Variants in MRC1 observed in about 807,000 individuals in gnomAD.
The protein encoded by MRC1 is macrophage mannose receptor 1.
A neutral mutation model predicts 102.9 loss-of-function variants in MRC1; 62 were observed. That is an observed-to-expected ratio of 0.60 (90% CI 0.49 to 0.74). The LOEUF (loss-of-function observed/expected upper bound fraction) is 0.74. Ranked by LOEUF, MRC1 falls within the 30% of genes least tolerant of loss-of-function variation. MRC1 has a pLI of 0.00. For missense variants in MRC1, 1,237 were observed against 862.8 expected (o/e 1.43, Z -5.43); for synonymous variants, 457 against 298.4 (o/e 1.53, Z -5.48).
intron 18 of MRC1, 57 bp from the exon 19 acceptor site, chr10:17,879,664 G>A (rs907531550): frequency 1.1e-4 from 84 of 780,728 alleles, no homozygotes; most frequent in African/African-American, 7.3e-4. Context: ...CTCCTGGCCT[G>A]TATCCAATTA....
At chr10:17,812,564 AG>A (rs1838239871) in intron 1 of MRC1, among the ~76,000 whole-genome samples, 2 of 132,568 alleles carry the variant, frequency 1.5e-5, no homozygotes, top group African/African-American at 5.7e-5. Flanking sequence ...TGCCAACAGT[AG>A]GCTTTTTTTT....
intron 16 of MRC1, among the ~76,000 whole-genome samples, 167 bp downstream of exon 16, chr10:17,873,992 C>T (rs1011947096): frequency 6.6e-6 from 1 of 152,186 alleles, no homozygotes; most frequent in Admixed American, 6.5e-5. Context: ...CAGAGAGAAG[C>T]TCATATGCCC....
chr10:17,878,603 A>G, intron 18 of MRC1, among the ~76,000 whole-genome samples: 1 of 152,112 alleles, frequency 6.6e-6, no homozygotes, highest in Admixed American at 6.6e-5. Context: ...TTAGCCTTAC[A>G]TGTTCCAGGG....
At chr10:17,813,543 TC>T (rs1282450413) in intron 1 of MRC1, among the ~76,000 whole-genome samples, 8 of 151,646 alleles carry the variant, frequency 5.3e-5, no homozygotes, top group African/African-American at 1.9e-4. Flanking sequence ...AGCACCTTTC[TC>T]CTTTTTAAAT....
intron 3 of MRC1, among the ~76,000 whole-genome samples, chr10:17,828,589 G>C (rs1838520390): frequency 6.6e-6 from 1 of 151,424 alleles, no homozygotes; most frequent in African/African-American, 2.5e-5. Flanking sequence ...CCTGAATTTT[G>C]TGTCAATGTC....
chr10:17,877,626 T>C (rs923184532), intron 17 of MRC1, among the ~76,000 whole-genome samples: 1 of 152,126 alleles, frequency 6.6e-6, no homozygotes, highest in Non-Finnish European at 1.5e-5. Flanking sequence ...GTAGTTACAT[T>C]GTTGAAGACA....
Position 17,853,094 on chromosome 10 carries a change from A to G in MRC1, c.1377A>G (p.Arg459=). The G allele has an allele frequency of 1.3e-6, 1 of 780,870 alleles. No individual in the cohort carries two copies. The highest frequency in any genetic ancestry group is 2.4e-5 in the East Asian group (1 of 41,258). 48.4% of individuals were successfully genotyped at this position (780,870 alleles called of 1,614,324 possible). A position where few individuals can be genotyped will look rare whatever the true frequency, so the allele number is the denominator to read the frequency against. Residue 459 remains arginine, a synonymous_variant, in exon 8 of 30, where the codon AGA becomes AGG. Coordinates refer to ENST00000569591, the MANE Select transcript of MRC1 (RefSeq NM_002438.4). ...GAGAACCAAGCCATGAAAACAACAG[A>G]CAGGAGGATTGTGTGGTGATGAAAG... ...LRGEPSHENN[R]QEDCVVMKGK... is the part of the protein sequence containing the mutation.
At chr10:17,879,171 C>T (rs1326573638) in intron 18 of MRC1, among the ~76,000 whole-genome samples, 7 of 152,186 alleles carry the variant, frequency 4.6e-5, no homozygotes, top group East Asian at 1.9e-4. Context: ...CTCCACTTTG[C>T]GACTAAAGGT....
intron 7 of MRC1, among the ~76,000 whole-genome samples, chr10:17,851,569 T>C (rs1838917250): frequency 1.3e-5 from 2 of 152,334 alleles, no homozygotes; most frequent in South Asian, 4.1e-4. Flanking sequence ...ATCAAGATTG[T>C]GCTTAGGAAT....
At chr10:17,866,310 A>T (rs1554841471) in intron 11 of MRC1, among the ~76,000 whole-genome samples, 1 of 119,318 alleles carries the variant, frequency 8.4e-6, no homozygotes, top group Admixed American at 8.1e-5. Flanking sequence ...GGAAGGAGGG[A>T]GGGAGAGAGA....
intron 24 of MRC1, among the ~76,000 whole-genome samples, chr10:17,899,184 A>G (rs1209004581): frequency 1.3e-5 from 2 of 152,150 alleles, no homozygotes; most frequent in Non-Finnish European, 2.9e-5. Context: ...TGATGCAGAG[A>G]TAGAAATTTA....
At chr10:17,827,449 G>C in intron 2 of MRC1, 93 bp from the exon 3 acceptor site, 1 of 591,220 alleles carries the variant, frequency 1.7e-6, no homozygotes, top group South Asian at 1.5e-5. Flanking sequence ...AATCAGAACA[G>C]TAAGACCAAT....
intron 8 of MRC1, among the ~76,000 whole-genome samples, chr10:17,855,948 C>T (rs1311253996): frequency 4.6e-5 from 7 of 152,068 alleles, no homozygotes; most frequent in South Asian, 4.2e-4. Context: ...GTGGGTGGAT[C>T]GCCTGAGGTC....
intron 9 of MRC1, among the ~76,000 whole-genome samples, chr10:17,857,753 C>T (rs797030340): frequency 0.27 from 41,624 of 151,966 alleles, 5,771 homozygotes; most frequent in South Asian, 0.34. Context: ...TTTTTTTCTG[C>T]CTGGGCTTTG....
chr10:17,843,910 G>T (rs525830), intron 5 of MRC1, among the ~76,000 whole-genome samples: 63,995 of 151,908 alleles, frequency 0.42, 13,697 homozygotes, highest in East Asian at 0.48. Flanking sequence ...CAAAGCATAG[G>T]TATTAACAGA....
intron 7 of MRC1, among the ~76,000 whole-genome samples, chr10:17,852,194 C>G (rs937474963): frequency 0.049 from 7,459 of 152,178 alleles, 225 homozygotes; most frequent in South Asian, 0.094. Context: ...CTTATAAAAT[C>G]AATAATGTTC....
At chr10:17,907,060 G>C (rs1256794453) in intron 27 of MRC1, 61 bp downstream of exon 27, 2 of 764,604 alleles carry the variant, frequency 2.6e-6, no homozygotes, top group Non-Finnish European at 2.4e-6. Flanking sequence ...TGTAAAACAA[G>C]GTTTCGTTTC....
chr10:17,883,750 T>A (rs894110087), intron 21 of MRC1, among the ~76,000 whole-genome samples: 10 of 152,216 alleles, frequency 6.6e-5, no homozygotes, highest in African/African-American at 1.9e-4. Context: ...GTAGAGTAGG[T>A]ACTTGTTGGT....
intron 21 of MRC1, among the ~76,000 whole-genome samples, chr10:17,881,743 C>G (rs782051611): frequency 6.9e-6 from 1 of 143,930 alleles, no homozygotes; most frequent in Non-Finnish European, 1.5e-5. Context: ...ACTGCAGCCT[C>G]GAACTCCTAA....
Sources: allele counts gnomAD v4.1 joint callset (sites outside exome capture counted in the v4.1 genomes callset), GRCh38; gene constraint gnomAD v4.1.1; transcripts MANE v1.5; gene names NCBI Gene and HGNC (gene_info 2026-07-23, HGNC 2026-07-21).